MTA3: variants seen among roughly 807,000 people sequenced by gnomAD.
MTA3 encodes metastasis-associated protein MTA3.
A neutral mutation model predicts 83.5 loss-of-function variants in MTA3; 34 were observed. The observed-to-expected ratio is 0.41, with a 90% CI of 0.31 to 0.54. MTA3 has a LOEUF of 0.54. Among genes scored for constraint, MTA3 ranks in the 20% least tolerant of loss-of-function variants. The pLI is 0.33. For missense variants in MTA3, 761 were observed against 726.4 expected (o/e 1.05, Z -0.55); for synonymous variants, 303 against 252.7 (o/e 1.20, Z -1.89).
intron 14 of MTA3, among the ~76,000 whole-genome samples, chr2:42,715,355 C>G (rs115697814): frequency 1.3e-5 from 2 of 149,298 alleles, no homozygotes; most frequent in African/African-American, 2.5e-5. Context: ...GTCCTAGAAT[C>G]TTTTCACTCT....
chr2:42,743,743 C>G (rs1190752986), intron 16 of MTA3, among the ~76,000 whole-genome samples: 1 of 152,114 alleles, frequency 6.6e-6, no homozygotes, highest in African/African-American at 2.4e-5. Flanking sequence ...TTCAACAGTT[C>G]TAACTGTTGG....
intron 8 of MTA3, among the ~76,000 whole-genome samples, chr2:42,673,061 G>C (rs1558568066): frequency 6.6e-6 from 1 of 151,774 alleles, no homozygotes. Context: ...TGACCAGGCT[G>C]GGCTTGAACT....
chr2:42,518,624 G>A (rs892778380), intron 2 of MTA3, among the ~76,000 whole-genome samples: 3 of 152,124 alleles, frequency 2.0e-5, no homozygotes, highest in African/African-American at 7.2e-5. Context: ...CCCTGAAGGA[G>A]GTTGATCATA....
intron 16 of MTA3, among the ~76,000 whole-genome samples, chr2:42,729,089 T>TTTTGG (rs1245303231): frequency 1.9e-5 from 2 of 104,856 alleles, no homozygotes; most frequent in African/African-American, 9.3e-5. Flanking sequence ...AGTTTGAGTT[T>TTTTGG]TTTTTTTTTT....
At chr2:42,742,452 C>A (rs1669106181) in intron 16 of MTA3, among the ~76,000 whole-genome samples, 2 of 152,218 alleles carry the variant, frequency 1.3e-5, no homozygotes, top group African/African-American at 4.8e-5. Flanking sequence ...TTTAATAAAA[C>A]CCCTTCACCA....
In MTA3 at chr2:42,592,515, T is replaced by C. The variant is rs151297791; in HGVS notation, c.190+13315T>C. 1.8e-3 allele frequency among the ~76,000 whole-genome samples: 279 copies of C among 152,152 alleles called. 3 individuals are homozygous for C. The highest frequency in any genetic ancestry group is 6.3e-3 in the African/African-American group (261 of 41,512). ...AGGAGTATTGCTTGAGCCTGGGAGA[T>C]TGAGGCTGCAGTGAGCTGTGTTTGC... On this transcript the variant is annotated intron_variant, in intron 3 of 16. Transcript: ENST00000405094.
At chr2:42,505,830 G>C (rs866633468) in intron 2 of MTA3, among the ~76,000 whole-genome samples, 1 of 149,688 alleles carries the variant, frequency 6.7e-6, no homozygotes, top group African/African-American at 2.5e-5. Flanking sequence ...GTGCAATGGC[G>C]TGATCTCAGC....
In MTA3 at chr2:42,723,020, C is replaced by T. The variant is rs776386691; in HGVS notation, c.1744C>T (p.His582Tyr). 10 of 1,550,826 alleles carry T rather than the reference C, an allele frequency of 6.4e-6. No individual in the cohort carries two copies. The highest frequency in any genetic ancestry group is 7.8e-6 in the Non-Finnish European group (9 of 1,147,018). The change falls in exon 16 of 17, where the codon CAC (histidine) becomes TAC (tyrosine). Residue 582 changes from histidine (H) to tyrosine (Y), a missense_variant. Physicochemically the swap from His to Tyr is moderately conservative, Grantham distance 83. Transcript: ENST00000405094. ...SILGKRNYSHHNGLDELTCCV... is the reference protein window; with the variant it reads ...SILGKRNYSHYNGLDELTCCV... ...TCTGGGGAAAAGAAACTACAGTCAT[C>T]ACAATGGTCTGGATGGTATGTAAGC...
chr2:42,553,218 G>A (rs1002143614), intron 2 of MTA3, among the ~76,000 whole-genome samples: 1 of 151,966 alleles, frequency 6.6e-6, no homozygotes, highest in Admixed American at 6.6e-5. Context: ...GAGGTCAGGA[G>A]ATCGAGACAA....
intron 9 of MTA3, among the ~76,000 whole-genome samples, chr2:42,693,124 C>G (rs1206438038): frequency 1.3e-5 from 2 of 152,164 alleles, no homozygotes; most frequent in Non-Finnish European, 2.9e-5. Context: ...CTCCTTCCTT[C>G]TCTCCCCACA....
intron 16 of MTA3, chr2:42,723,342 C>A: frequency 3.8e-6 from 1 of 264,510 alleles, no homozygotes; most frequent in South Asian, 7.6e-5. Context: ...GCTCACTGTT[C>A]ATTTAAGTTT....
intron 5 of MTA3, among the ~76,000 whole-genome samples, chr2:42,641,209 T>G (rs1026768959): frequency 8.1e-6 from 1 of 122,734 alleles, no homozygotes; most frequent in Non-Finnish European, 1.6e-5. Context: ...GCCTGGCCGG[T>G]TTTTTTTTTT....
Position 42,555,455 on chromosome 2 carries a change from C to CAAAA in MTA3, c.-140-14963_-140-14960dup, listed in dbSNP as rs146740409. Among the ~76,000 whole-genome samples, 352 of 52,826 alleles carry CAAAA rather than the reference C, an allele frequency of 6.7e-3. 3 individuals are homozygous for CAAAA. The highest frequency in any genetic ancestry group is 0.026 in the Middle Eastern group (1 of 38). The allele number at this position is 52,826 out of a possible 152,430, so 34.7% of individuals were successfully genotyped here. A position where few individuals can be genotyped will look rare whatever the true frequency, so the allele number is the denominator to read the frequency against. ...GGGCAACAAGAGCGAAACTCCATCT[C>CAAAA]AAAAAAAAAAAAAAAAAAAAAAGAG... is the stretch of plus-strand genomic sequence containing the variant. On this transcript the variant is annotated intron_variant, in intron 2 of 17. Transcript: ENST00000405592.
chr2:42,658,931 CA>C (rs528285589), intron 7 of MTA3, among the ~76,000 whole-genome samples: 1,265 of 102,108 alleles, frequency 0.012, 7 homozygotes, highest in East Asian at 0.027. Context: ...TTTAATTAGC[CA>C]AAAAAAAAAA....
At chr2:42,685,389 A>T (rs899016636) in intron 9 of MTA3, among the ~76,000 whole-genome samples, 1 of 152,184 alleles carries the variant, frequency 6.6e-6, no homozygotes, top group Non-Finnish European at 1.5e-5. Flanking sequence ...GGCCTCCAAG[A>T]TTGTGACTTT....
intron 9 of MTA3, among the ~76,000 whole-genome samples, chr2:42,690,122 TA>T (rs1692746259): frequency 6.6e-6 from 1 of 152,090 alleles, no homozygotes; most frequent in African/African-American, 2.4e-5. Context: ...TGTGAATGAA[TA>T]GCTACTGCAC....
intron 2 of MTA3, chr2:42,533,090 T>TC (rs2103726258): frequency 6.2e-6 from 1 of 161,528 alleles, no homozygotes; most frequent in East Asian, 1.8e-4. Context: ...ATTCTTTTTT[T>TC]TTTTTTTTTT....
rs966202027 is a variant in MTA3, at chr2:42,561,646, C to G, written c.-140-8791C>G. 3.3e-5 allele frequency among the ~76,000 whole-genome samples: 5 copies of G among 152,148 alleles called. No homozygotes were observed. In the South Asian group the frequency reaches 6.2e-4, roughly 19 times the overall value. The stretch of plus-strand genomic sequence containing the variant: ...CCCCAGGTGTCCTTTTCTCTTAGCA[C>G]TAAGCCAACCATGTCAGCTAGGAGG... On this transcript the variant is annotated intron_variant, in intron 2 of 17. Coordinates refer to the MTA3 transcript ENST00000405592.
chr2:42,614,330 C>T (rs1177033959), intron 4 of MTA3: 1 of 152,154 alleles, frequency 6.6e-6, no homozygotes, highest in African/African-American at 2.4e-5. Flanking sequence ...CTCCCGAGCT[C>T]AGGTGATCTA....
Sources: allele counts gnomAD v4.1 joint callset (sites outside exome capture counted in the v4.1 genomes callset), GRCh38; gene constraint gnomAD v4.1.1; transcripts MANE v1.5; gene names NCBI Gene and HGNC (gene_info 2026-07-23, HGNC 2026-07-21).